The following CPNE4 variants were observed in gnomAD, a reference collection of about 807,000 sequenced individuals.
CPNE4 encodes copine 4.
In CPNE4, 25 loss-of-function variants were observed where a neutral mutation model predicts 67.9. That is an observed-to-expected ratio of 0.37 (90% CI 0.27 to 0.51). CPNE4 has a LOEUF of 0.51. Among genes scored for constraint, CPNE4 ranks in the 20% least tolerant of loss-of-function variants. CPNE4 has a pLI of 0.93. For missense variants in CPNE4, 464 were observed against 690.8 expected (o/e 0.67, Z 3.68); for synonymous variants, 242 against 244.9 (o/e 0.99, Z 0.11).
intron 15 of CPNE4, chr3:131,539,037 G>A (rs1197205104): frequency 1.3e-5 from 2 of 152,186 alleles, no homozygotes; most frequent in African/African-American, 2.4e-5. Flanking sequence ...ATCATGCAGA[G>A]CAGAAAAAGA....
chr3:131,970,250 A>G (rs533639744), intron 1 of CPNE4, among the ~76,000 whole-genome samples: 1 of 152,194 alleles, frequency 6.6e-6, no homozygotes, highest in Non-Finnish European at 1.5e-5. Flanking sequence ...CAGTGAGTGA[A>G]GACACACCAA....
At position 131,699,901 on chromosome 3, in the gene CPNE4, C is replaced by T. The variant is rs374255178; in HGVS notation, c.432+8G>A. On this transcript the variant is annotated splice_region_variant and intron_variant, in intron 4 of 15. Transcript: ENST00000429747. Reference sequence around the variant, plus strand: ...AGGCAGACAGCTGCTTAGGGAGTGCCTGCTTACCGTGATGGAAGATTTCCC... The same window carrying T: ...AGGCAGACAGCTGCTTAGGGAGTGCTTGCTTACCGTGATGGAAGATTTCCC... 2.2e-5 allele frequency: 36 copies of T among 1,612,368 alleles called. No homozygotes were observed. Among genetic ancestry groups the T allele is most frequent in the Non-Finnish European group, 3.1e-5 (36 of 1,178,998 alleles).
At position 131,883,267 on chromosome 3, in the gene CPNE4, C is replaced by G. The variant is rs372557035; in HGVS notation, c.180+21997G>C. 5.0e-4 allele frequency among the ~76,000 whole-genome samples: 76 copies of G among 152,250 alleles called. No homozygotes were observed. In the East Asian group the frequency reaches 0.014, roughly 29 times the overall value. ...AATCTGGAAACAACCTGCCCCTCCC[C>G]CAGTGTTACCCATCATCATTCACCC... On this transcript the variant is annotated intron_variant, in intron 2 of 15. Coordinates refer to ENST00000429747, the MANE Select transcript of CPNE4 (RefSeq NM_130808.3).
chr3:131,770,037 A>T (rs1248598166), intron 2 of CPNE4, among the ~76,000 whole-genome samples: 2 of 152,154 alleles, frequency 1.3e-5, no homozygotes, highest in Non-Finnish European at 2.9e-5. Flanking sequence ...CTCAACCTTG[A>T]AACGACCTCA....
At chr3:131,929,165 C>T (rs1319756268) in intron 1 of CPNE4, among the ~76,000 whole-genome samples, 10 of 134,054 alleles carry the variant, frequency 7.5e-5, no homozygotes, top group African/African-American at 1.1e-4. Context: ...CTCCTTTCTT[C>T]ATCAATCATC....
intron 1 of CPNE4, among the ~76,000 whole-genome samples, chr3:131,958,605 T>TTTTC (rs2072054307): frequency 1.4e-5 from 1 of 69,026 alleles, no homozygotes; most frequent in African/African-American, 4.4e-5. Flanking sequence ...CCTTTCTTTC[T>TTTTC]TTTCTTTTTT....
chr3:131,611,110 G>A lies in CPNE4; in HGVS notation c.682-23528C>T, dbSNP rs560204184. ...TTTTTTAAAAAACAGAAAACAAAACGTATTTTTTCCTCATTTACTAATAGA... is the reference window on the plus strand; with the variant it reads ...TTTTTTAAAAAACAGAAAACAAAACATATTTTTTCCTCATTTACTAATAGA... On this transcript the variant is annotated intron_variant, in intron 7 of 15. Coordinates refer to ENST00000429747, the MANE Select transcript of CPNE4 (RefSeq NM_130808.3). Among the ~76,000 whole-genome samples the A allele has an allele frequency of 2.6e-5, 4 of 152,092 alleles. No individual in the cohort carries two copies. In the South Asian group the frequency reaches 6.2e-4, roughly 24 times the overall value.
intron 3 of CPNE4, among the ~76,000 whole-genome samples, chr3:131,716,855 C>T (rs1184790345): frequency 1.3e-5 from 2 of 152,226 alleles, no homozygotes; most frequent in Non-Finnish European, 2.9e-5. Flanking sequence ...AGCAGCTGAG[C>T]TGGGATTTGA....
At chr3:131,555,461 G>C (rs115245241) in intron 12 of CPNE4, 36 bp downstream of exon 12, 61 of 1,592,050 alleles carry the variant, frequency 3.8e-5, no homozygotes, top group Non-Finnish European at 4.8e-5. Context: ...TTTGACCACA[G>C]TGAAGTGGAA....
At chr3:131,668,663 G>C (rs60773692) in intron 7 of CPNE4, among the ~76,000 whole-genome samples, 1 of 151,878 alleles carries the variant, frequency 6.6e-6, no homozygotes, top group East Asian at 1.9e-4. Context: ...GTCTCCAGTA[G>C]ATTTGCTTAG....
chr3:131,985,083 T>A (rs1012888028), intron 1 of CPNE4, among the ~76,000 whole-genome samples: 2 of 152,196 alleles, frequency 1.3e-5, no homozygotes, highest in Non-Finnish European at 2.9e-5. Context: ...GATGCCAGCA[T>A]TGTGAGGGCT....
chr3:131,946,024 C>T (rs1471409209), intron 1 of CPNE4, among the ~76,000 whole-genome samples: 8 of 152,104 alleles, frequency 5.3e-5, no homozygotes, highest in East Asian at 1.9e-4. Context: ...CTTATTGAGG[C>T]GAAATTCACA....
At chr3:131,809,046 C>T (rs1455278930) in intron 2 of CPNE4, among the ~76,000 whole-genome samples, 3 of 152,058 alleles carry the variant, frequency 2.0e-5, no homozygotes, top group Admixed American at 6.6e-5. Context: ...TGCATGTGTG[C>T]GGGTACACCT....
chr3:131,539,168 G>T (rs1238897201), intron 15 of CPNE4, among the ~76,000 whole-genome samples: 1 of 152,170 alleles, frequency 6.6e-6, no homozygotes, highest in Non-Finnish European at 1.5e-5. Flanking sequence ...TTCAAAATCT[G>T]ATTTGAAATC....
chr3:132,021,617 A>G (rs2073997573), intron 1 of CPNE4, among the ~76,000 whole-genome samples: 1 of 152,194 alleles, frequency 6.6e-6, no homozygotes, highest in African/African-American at 2.4e-5. Flanking sequence ...TTTATTTATG[A>G]AAAAAGTGTG....
intron 2 of CPNE4, among the ~76,000 whole-genome samples, chr3:131,751,602 T>G (rs1226084797): frequency 6.6e-6 from 1 of 152,184 alleles, no homozygotes; most frequent in Non-Finnish European, 1.5e-5. Flanking sequence ...TTAAAATATT[T>G]CTCAGATAAT....
chr3:131,919,166 G>A (rs2070671522), intron 1 of CPNE4, among the ~76,000 whole-genome samples: 1 of 152,170 alleles, frequency 6.6e-6, no homozygotes, highest in Non-Finnish European at 1.5e-5. Flanking sequence ...AGTCAACTGA[G>A]AAGTAGCAAA....
At chr3:131,997,012 G>C (rs1666277217) in intron 1 of CPNE4, among the ~76,000 whole-genome samples, 2 of 151,994 alleles carry the variant, frequency 1.3e-5, no homozygotes, top group Admixed American at 1.3e-4. Flanking sequence ...CTGGAGTGGA[G>C]GGGCCATATA....
chr3:131,952,628 GC>G (rs1241295526), intron 1 of CPNE4, among the ~76,000 whole-genome samples: 1 of 144,400 alleles, frequency 6.9e-6, no homozygotes, highest in African/African-American at 2.6e-5. Context: ...GGGGGGGTCA[GC>G]CCCCCTCCCG....
Sources: allele counts gnomAD v4.1 joint callset (sites outside exome capture counted in the v4.1 genomes callset), GRCh38; gene constraint gnomAD v4.1.1; transcripts MANE v1.5; gene names NCBI Gene and HGNC (gene_info 2026-07-23, HGNC 2026-07-21).